PMFBP1: variants seen among roughly 807,000 people sequenced by gnomAD.
PMFBP1 encodes the protein polyamine modulated factor 1 binding protein 1.
PMFBP1 carries 131 observed loss-of-function variants against 137.8 expected under a neutral mutation model. The ratio of observed to expected loss-of-function variants is 0.95; its 90% CI spans 0.82 to 1.10. The LOEUF (loss-of-function observed/expected upper bound fraction) is 1.10, where lower values mean the gene tolerates loss of function less well. PMFBP1 is among the 50% of genes least tolerant of loss of function. The pLI is 0.00. For synonymous variants in PMFBP1, 490 were observed against 450.4 expected (o/e 1.09, Z -1.11); for missense variants, 1,199 against 1,175.4 (o/e 1.02, Z -0.29).
rs141741563 is a variant in PMFBP1, at chr16:72,150,665, C to T, written c.579G>A (p.Glu193=). 2 of 1,614,090 alleles carry T rather than the reference C, an allele frequency of 1.2e-6. No homozygotes were observed. The highest frequency in any genetic ancestry group is 2.2e-5 in the East Asian group (1 of 44,870). Reference sequence around the variant, plus strand: ...ACATCTTCACTTGGCATTCTAGTAACTCGATGTTGCTCAGGGAAGACTGGT... The same window carrying T: ...ACATCTTCACTTGGCATTCTAGTAATTCGATGTTGCTCAGGGAAGACTGGT... ...DKYQSSLSNI[E]LLECQVKMLQ... is the part of the protein sequence containing the mutation. Residue 193 remains glutamate, a synonymous_variant, in exon 5 of 21, where the codon GAG becomes GAA. Coordinates refer to ENST00000237353, the MANE Select transcript of PMFBP1 (RefSeq NM_031293.3).
intron 5 of PMFBP1, among the ~76,000 whole-genome samples, chr16:72,144,919 T>C (rs1470724000): frequency 1.3e-5 from 2 of 152,094 alleles, no homozygotes; most frequent in African/African-American, 2.4e-5. Context: ...TAGACTCCCA[T>C]ACAATAATAG....
chr16:72,147,110 C>A (rs1416868021), intron 5 of PMFBP1, among the ~76,000 whole-genome samples: 1 of 152,208 alleles, frequency 6.6e-6, no homozygotes. Context: ...ATCATGCTGC[C>A]TGACTTCAAA....
the PMFBP1 span, among the ~76,000 whole-genome samples, chr16:72,242,649 G>C: frequency 6.6e-6 from 1 of 152,104 alleles, no homozygotes; most frequent in African/African-American, 2.4e-5. Flanking sequence ...AACTGTTTCC[G>C]AACTAGAACG....
chr16:72,246,180 C>G, the PMFBP1 span, among the ~76,000 whole-genome samples: 1 of 152,174 alleles, frequency 6.6e-6, no homozygotes, highest in Non-Finnish European at 1.5e-5. Flanking sequence ...TGGTAACAGA[C>G]AGTTGCTGAA....
At chr16:72,176,412 G>C (rs2043259664), upstream of PMFBP1, among the ~76,000 whole-genome samples, 1 of 152,106 alleles carries the variant, frequency 6.6e-6, no homozygotes, top group Admixed American at 6.5e-5. Context: ...CATTTTATTG[G>C]GATGTGCATG....
At chr16:72,236,137 C>T in the PMFBP1 span, among the ~76,000 whole-genome samples, 1 of 152,048 alleles carries the variant, frequency 6.6e-6, no homozygotes, top group African/African-American at 2.4e-5. Context: ...TTTGTAAATG[C>T]TGTTTTTTTG....
At chr16:72,185,489 T>C in the PMFBP1 span, among the ~76,000 whole-genome samples, 1 of 152,016 alleles carries the variant, frequency 6.6e-6, no homozygotes, top group African/African-American at 2.4e-5. Flanking sequence ...CATCTTTGGG[T>C]TCACTCAGAA....
the PMFBP1 span, among the ~76,000 whole-genome samples, chr16:72,195,511 TC>T: frequency 6.6e-6 from 1 of 152,080 alleles, no homozygotes; most frequent in Non-Finnish European, 1.5e-5. Context: ...CCCTCCTGCC[TC>T]CCCCATCCAT....
At chr16:72,228,741 T>TGACC in the PMFBP1 span, among the ~76,000 whole-genome samples, 1 of 152,236 alleles carries the variant, frequency 6.6e-6, no homozygotes, top group African/African-American at 2.4e-5. Flanking sequence ...GTCAAAAGGA[T>TGACC]GACCACTTTT....
chr16:72,213,841 T>A, the PMFBP1 span, among the ~76,000 whole-genome samples: 1 of 152,152 alleles, frequency 6.6e-6, no homozygotes, highest in Non-Finnish European at 1.5e-5. Flanking sequence ...AAACAGCAAA[T>A]GGAAACTTAC....
chr16:72,181,199 A>T (rs2043275237), upstream of PMFBP1, among the ~76,000 whole-genome samples: 1 of 151,640 alleles, frequency 6.6e-6, no homozygotes, highest in Non-Finnish European at 1.5e-5. Context: ...AGATCGAGCC[A>T]CTGCCCTCAA....
chr16:72,210,367 G>T, the PMFBP1 span, among the ~76,000 whole-genome samples: 1 of 152,178 alleles, frequency 6.6e-6, no homozygotes, highest in Admixed American at 6.5e-5. Flanking sequence ...GTGTAGACAA[G>T]TCTGATCTGT....
chr16:72,180,594 G>A (rs1296974571), upstream of PMFBP1, among the ~76,000 whole-genome samples: 2 of 151,768 alleles, frequency 1.3e-5, no homozygotes, highest in Non-Finnish European at 2.9e-5. Context: ...CTTCTGCTGC[G>A]ACTCCCAAGC....
the PMFBP1 span, among the ~76,000 whole-genome samples, chr16:72,214,381 T>C: frequency 6.6e-6 from 1 of 152,230 alleles, no homozygotes; most frequent in South Asian, 2.1e-4. Context: ...TTTGCCACGT[T>C]AGCCAGGATG....
the PMFBP1 span, among the ~76,000 whole-genome samples, chr16:72,189,341 C>T: frequency 2.0e-5 from 3 of 152,276 alleles, no homozygotes; most frequent in South Asian, 6.2e-4. Flanking sequence ...TAAGCCAGTC[C>T]CTGGAAGATG....
the PMFBP1 span, among the ~76,000 whole-genome samples, chr16:72,212,019 T>TA: frequency 2.0e-5 from 3 of 149,896 alleles, no homozygotes; most frequent in Non-Finnish European, 3.0e-5. Context: ...TTTCTAAAAT[T>TA]AAAAAAAAAG....
chr16:72,222,327 A>G, the PMFBP1 span, among the ~76,000 whole-genome samples: 4 of 152,200 alleles, frequency 2.6e-5, no homozygotes, highest in Non-Finnish European at 5.9e-5. Context: ...TTTTCATTCC[A>G]AAGTTCATTT....
At chr16:72,189,003 A>G in the PMFBP1 span, among the ~76,000 whole-genome samples, 1 of 152,284 alleles carries the variant, frequency 6.6e-6, no homozygotes, top group East Asian at 1.9e-4. Flanking sequence ...ACATGGTGAC[A>G]AACAGTCGGT....
chr16:72,187,440 A>T, the PMFBP1 span, among the ~76,000 whole-genome samples: 1 of 152,188 alleles, frequency 6.6e-6, no homozygotes, highest in Non-Finnish European at 1.5e-5. Context: ...ACTGGGATCC[A>T]CCCTGTACCC....
Sources: gnomAD v4.1 joint callset for allele counts (sites outside exome capture counted in the v4.1 genomes callset) on GRCh38, gnomAD v4.1.1 for gene constraint, MANE v1.5 for transcripts, NCBI Gene and HGNC (gene_info 2026-07-23, HGNC 2026-07-21) for gene names.